Variants in DPP10 observed in about 807,000 individuals in gnomAD.
DPP10 encodes the protein dipeptidyl peptidase like 10.
DPP10 carries 33 observed loss-of-function variants against 120.9 expected under a neutral mutation model. That is an observed-to-expected ratio of 0.27 (90% confidence interval 0.21 to 0.37). DPP10 has a LOEUF of 0.37. DPP10 is among the 10% of genes least tolerant of loss of function. The pLI, the probability that DPP10 is intolerant of heterozygous loss-of-function variation, is 1.00. For synonymous variants in DPP10, 337 were observed against 326.1 expected (o/e 1.03, Z -0.36); for missense variants, 816 against 942.8 (o/e 0.87, Z 1.76).
intron 1 of DPP10, among the ~76,000 whole-genome samples, chr2:114,965,382 C>G (rs1348144914): frequency 6.6e-6 from 1 of 152,002 alleles, no homozygotes; most frequent in Non-Finnish European, 1.5e-5. Flanking sequence ...GGTGATCCAC[C>G]CACCTTGGCC....
intron 1 of DPP10, among the ~76,000 whole-genome samples, chr2:115,102,209 T>A (rs55649047): frequency 0.21 from 31,288 of 151,870 alleles, 3,966 homozygotes; most frequent in East Asian, 0.36. Context: ...GCAGAGAGAG[T>A]GATAGAGAGC....
At chr2:115,161,355 G>C (rs2052320527) in intron 1 of DPP10, 1 of 152,230 alleles carries the variant, frequency 6.6e-6, no homozygotes, top group African/African-American at 2.4e-5. Flanking sequence ...GAGCCACCCA[G>C]TGCTTCGCAC....
At chr2:115,677,233 A>C (rs980998276) in intron 5 of DPP10, among the ~76,000 whole-genome samples, 2 of 152,204 alleles carry the variant, frequency 1.3e-5, no homozygotes, top group Admixed American at 6.5e-5. Context: ...CTACCATTAT[A>C]AAAACATATA....
At chr2:114,649,380 G>C (rs1487359116) in intron 1 of DPP10, among the ~76,000 whole-genome samples, 1 of 148,776 alleles carries the variant, frequency 6.7e-6, no homozygotes, top group African/African-American at 2.5e-5. Flanking sequence ...ATGGAGTCTT[G>C]CTCTGTCACC....
intron 1 of DPP10, among the ~76,000 whole-genome samples, chr2:114,941,162 T>C (rs1378216203): frequency 6.6e-6 from 1 of 152,236 alleles, no homozygotes; most frequent in Non-Finnish European, 1.5e-5. Context: ...GAAGTTGCTT[T>C]GCTTAAACAT....
intron 21 of DPP10, among the ~76,000 whole-genome samples, chr2:115,831,994 C>T (rs962677027): frequency 2.6e-5 from 4 of 152,092 alleles, no homozygotes; most frequent in Admixed American, 6.5e-5. Flanking sequence ...TTACTACAGA[C>T]GATATGGTGA....
In DPP10 at chr2:115,468,585, C is replaced by T. The variant is rs145375505; in HGVS notation, c.272-30925C>T. 3.8e-3 allele frequency: 1,504 copies of T among 394,200 alleles called. 7 individuals are homozygous for T. Among genetic ancestry groups the T allele is most frequent in the African/African-American group, 0.025 (1,191 of 48,198 alleles). 24.4% of individuals were successfully genotyped at this position (394,200 alleles called of 1,614,324 possible). A position where few individuals can be genotyped will look rare whatever the true frequency, so the allele number is the denominator to read the frequency against. On this transcript the variant is annotated intron_variant, in intron 3 of 25. Coordinates refer to ENST00000410059, the MANE Select transcript of DPP10 (RefSeq NM_020868.6). ...GGGGCTAATGTGGTTGATGGTGGCCCGGGGAGTTCTGCACTTGTGTGGCAC... is the reference window on the plus strand; with the variant it reads ...GGGGCTAATGTGGTTGATGGTGGCCTGGGGAGTTCTGCACTTGTGTGGCAC...
chr2:115,762,994 A>C (rs1680294952), intron 12 of DPP10, among the ~76,000 whole-genome samples: 1 of 152,176 alleles, frequency 6.6e-6, no homozygotes, highest in Non-Finnish European at 1.5e-5. Flanking sequence ...TATTCAAATA[A>C]ATACTTCTCT....
intron 7 of DPP10, among the ~76,000 whole-genome samples, chr2:115,700,237 C>T (rs1170953122): frequency 2.0e-5 from 3 of 152,138 alleles, no homozygotes; most frequent in Admixed American, 2.0e-4. Context: ...CCTCCTCCAA[C>T]TTTGGGGAAC....
chr2:114,655,130 G>A (rs1287450098), intron 1 of DPP10, among the ~76,000 whole-genome samples: 1 of 152,092 alleles, frequency 6.6e-6, no homozygotes, highest in East Asian at 1.9e-4. Flanking sequence ...GGATAACAAC[G>A]ACACAGCATA....
intron 2 of DPP10, among the ~76,000 whole-genome samples, chr2:115,313,419 A>G (rs899994318): frequency 1.3e-5 from 2 of 152,184 alleles, no homozygotes; most frequent in African/African-American, 2.4e-5. Flanking sequence ...ACAGCTACCA[A>G]TGATAATAAT....
At chr2:115,018,178 G>A (rs1015100095) in intron 1 of DPP10, among the ~76,000 whole-genome samples, 4 of 152,168 alleles carry the variant, frequency 2.6e-5, no homozygotes, top group Non-Finnish European at 5.9e-5. Context: ...ACACCAGTTA[G>A]AATGGCGATC....
At chr2:114,855,591 T>A (rs1689307997) in intron 1 of DPP10, among the ~76,000 whole-genome samples, 2 of 152,176 alleles carry the variant, frequency 1.3e-5, no homozygotes, top group African/African-American at 4.8e-5. Context: ...AATGTGTGTG[T>A]GCGTTCTTCA....
intron 1 of DPP10, among the ~76,000 whole-genome samples, chr2:115,162,506 C>T (rs564795865): frequency 6.6e-6 from 1 of 152,288 alleles, no homozygotes; most frequent in East Asian, 1.9e-4. Context: ...GGGGTTTTCC[C>T]TCTGCTTTCT....
intron 1 of DPP10, among the ~76,000 whole-genome samples, chr2:114,810,000 C>G (rs1685050915): frequency 6.6e-6 from 1 of 152,112 alleles, no homozygotes; most frequent in Non-Finnish European, 1.5e-5. Context: ...GAGTGGGACT[C>G]CCATGTCTTT....
chr2:115,587,236 A>T (rs6722114), intron 5 of DPP10, among the ~76,000 whole-genome samples: 12,218 of 151,662 alleles, frequency 0.081, 515 homozygotes, highest in South Asian at 0.13. Flanking sequence ...TAGCTGGGAC[A>T]ACAGGCTCCC....
At chr2:115,743,520 CAG>C (rs1286367599) in intron 9 of DPP10, among the ~76,000 whole-genome samples, 7 of 152,138 alleles carry the variant, frequency 4.6e-5, no homozygotes, top group Admixed American at 4.6e-4. Context: ...TTGCTTTAAT[CAG>C]TGTATCTAAT....
chr2:115,668,017 T>C (rs2089596498), intron 5 of DPP10, among the ~76,000 whole-genome samples: 1 of 152,120 alleles, frequency 6.6e-6, no homozygotes, highest in South Asian at 2.1e-4. Context: ...GTTCTATTGT[T>C]TTATCTTTTG....
At chr2:115,600,538 T>C (rs2083258850) in intron 5 of DPP10, among the ~76,000 whole-genome samples, 1 of 152,240 alleles carries the variant, frequency 6.6e-6, no homozygotes, top group South Asian at 2.1e-4. Flanking sequence ...AACTAAATTC[T>C]TCAGGTAATC....
Sources: gnomAD v4.1 joint callset for allele counts (sites outside exome capture counted in the v4.1 genomes callset) on GRCh38, gnomAD v4.1.1 for gene constraint, MANE v1.5 for transcripts, NCBI Gene and HGNC (gene_info 2026-07-23, HGNC 2026-07-21) for gene names.